GBE1: variants seen among roughly 807,000 people sequenced by gnomAD.
GBE1 encodes the protein 1,4-alpha-glucan-branching enzyme.
Under a neutral mutation model 88.8 loss-of-function variants are expected in GBE1, and 70 were observed. The ratio of observed to expected loss-of-function variants is 0.79; its 90% CI spans 0.65 to 0.96. The LOEUF (loss-of-function observed/expected upper bound fraction) is 0.96, where lower values mean the gene tolerates loss of function less well. Among genes scored for constraint, GBE1 ranks in the 40% least tolerant of loss-of-function variants. GBE1 has a pLI of 0.00. For synonymous variants in GBE1, 284 were observed against 300.1 expected (o/e 0.95, Z 0.56); for missense variants, 872 against 871.0 (o/e 1.00, Z -0.01).
chr3:81,741,867 A>T (rs991155881), intron 1 of GBE1, among the ~76,000 whole-genome samples: 9 of 147,658 alleles, frequency 6.1e-5, no homozygotes, highest in African/African-American at 2.2e-4. Context: ...TTTTATATAT[A>T]ATATATAATA....
At chr3:81,573,787 G>GTGTA (rs1322758332) in intron 12 of GBE1, among the ~76,000 whole-genome samples, 1 of 151,814 alleles carries the variant, frequency 6.6e-6, no homozygotes, top group African/African-American at 2.4e-5. Flanking sequence ...GTGTGTGTGT[G>GTGTA]TGTGTGTGTG....
chr3:81,535,231 T>C lies in GBE1; in HGVS notation c.1898A>G (p.Tyr633Cys), dbSNP rs1348094767. ...FIFNFHPSKS[Y>C]TDYRVGTALP... ...TGCTGTTCCAACTCGGTAGTCAGTG[T>C]AGCTCTTGCTTGGATGGAAGTTGAA... is the stretch of plus-strand genomic sequence containing the variant. Residue 633 changes from tyrosine (Y) to cysteine (C), a missense_variant, in exon 14 of 16, where the codon TAC becomes TGC. By Grantham distance (194) the Tyr-to-Cys change is radical. Coordinates refer to ENST00000429644, the MANE Select transcript of GBE1 (RefSeq NM_000158.4). 9 of 1,611,652 alleles carry C rather than the reference T, an allele frequency of 5.6e-6. No individual in the cohort carries two copies. Among genetic ancestry groups the C allele is most frequent in the South Asian group, 1.1e-5 (1 of 90,902 alleles).
chr3:81,581,300 C>G (rs1224246639), intron 10 of GBE1, 25 bp from the exon 11 acceptor site: 1 of 1,255,248 alleles, frequency 8.0e-7, no homozygotes, highest in East Asian at 2.4e-5. Context: ...GAAAAATAAG[C>G]TTCTGAGTAA....
At chr3:81,604,876 C>T (rs1391081242) in intron 7 of GBE1, among the ~76,000 whole-genome samples, 3 of 152,112 alleles carry the variant, frequency 2.0e-5, no homozygotes, top group Admixed American at 6.5e-5. Context: ...AGAGACCTTT[C>T]ATAACATGTT....
chr3:81,536,559 T>G (rs1559637550), intron 13 of GBE1, among the ~76,000 whole-genome samples: 1 of 151,998 alleles, frequency 6.6e-6, no homozygotes, highest in Non-Finnish European at 1.5e-5. Context: ...ACAGCATAAT[T>G]ATTTACATAA....
In GBE1 at chr3:81,742,225, T is replaced by C. The variant is rs532214147; in HGVS notation, c.143+19150A>G. ...ATGGAAAGGAAGATAACCTGTTTCATTCACTTTTAAAATAGCACTTTAAAA... is the reference window on the plus strand; with the variant it reads ...ATGGAAAGGAAGATAACCTGTTTCACTCACTTTTAAAATAGCACTTTAAAA... On this transcript the variant is annotated intron_variant, in intron 1 of 15. Coordinates refer to ENST00000429644, the MANE Select transcript of GBE1 (RefSeq NM_000158.4). Among the ~76,000 whole-genome samples the C allele has an allele frequency of 3.3e-5, 5 of 152,202 alleles. No individual in the cohort carries two copies. In the East Asian group the frequency reaches 9.6e-4, roughly 29 times the overall value.
chr3:81,711,364 G>C lies in GBE1; in HGVS notation c.144-5751C>G, dbSNP rs150070169. On this transcript the variant is annotated intron_variant, in intron 1 of 15. Transcript: ENST00000429644. Reference sequence around the variant, plus strand: ...GAGAAATTTTTAATAGCTCAAAAGGGGGAAAATAGGGTTAAAGGAGTGGAG... The same window carrying C: ...GAGAAATTTTTAATAGCTCAAAAGGCGGAAAATAGGGTTAAAGGAGTGGAG... 3.0e-4 allele frequency among the ~76,000 whole-genome samples: 45 copies of C among 152,248 alleles called. No individual in the cohort carries two copies. In the East Asian group the frequency reaches 7.9e-3, roughly 27 times the overall value.
chr3:81,580,739 A>C (rs1485765297), intron 11 of GBE1, among the ~76,000 whole-genome samples: 1 of 152,118 alleles, frequency 6.6e-6, no homozygotes, highest in Non-Finnish European at 1.5e-5. Context: ...AATTAGCAGG[A>C]GATTTCAGTG....
At chr3:81,728,411 C>G (rs553663171) in intron 1 of GBE1, among the ~76,000 whole-genome samples, 8 of 152,114 alleles carry the variant, frequency 5.3e-5, no homozygotes, top group Non-Finnish European at 1.2e-4. Context: ...ACTCTGACCA[C>G]AGATCTATCC....
intron 2 of GBE1, among the ~76,000 whole-genome samples, chr3:81,696,051 A>G (rs1331914131): frequency 6.6e-6 from 1 of 152,226 alleles, no homozygotes; most frequent in African/African-American, 2.4e-5. Context: ...CCCAAGATCT[A>G]TTCAAGCTTA....
intron 3 of GBE1, among the ~76,000 whole-genome samples, chr3:81,670,466 C>A (rs567201338): frequency 6.6e-6 from 1 of 152,192 alleles, no homozygotes; most frequent in Admixed American, 6.5e-5. Context: ...CACCCGACCT[C>A]TTTACAGATA....
At chr3:81,673,594 T>C (rs1036349207) in intron 2 of GBE1, among the ~76,000 whole-genome samples, 2 of 151,950 alleles carry the variant, frequency 1.3e-5, no homozygotes, top group African/African-American at 4.8e-5. Context: ...ATATCAGTTT[T>C]TGAAAATTGA....
chr3:81,551,631 C>T (rs1291061431), intron 12 of GBE1, among the ~76,000 whole-genome samples: 4 of 152,178 alleles, frequency 2.6e-5, no homozygotes, highest in African/African-American at 9.7e-5. Flanking sequence ...TTCAAGTTGT[C>T]CTGCTGCTTT....
chr3:81,575,527 T>A (rs1703636464), intron 12 of GBE1, among the ~76,000 whole-genome samples: 1 of 152,138 alleles, frequency 6.6e-6, no homozygotes, highest in Non-Finnish European at 1.5e-5. Context: ...CGTAAACATG[T>A]TTTTATAAAA....
At chr3:81,678,119 A>G (rs1705288395) in intron 2 of GBE1, among the ~76,000 whole-genome samples, 1 of 152,338 alleles carries the variant, frequency 6.6e-6, no homozygotes, top group African/African-American at 2.4e-5. Context: ...GCCGGCCTAC[A>G]TGGCATAGCC....
chr3:81,497,883 T>C (rs1333293211), intron 15 of GBE1, among the ~76,000 whole-genome samples: 1 of 152,228 alleles, frequency 6.6e-6, no homozygotes, highest in East Asian at 1.9e-4. Flanking sequence ...ACTATTTTTA[T>C]CAAACTTATT....
intron 1 of GBE1, among the ~76,000 whole-genome samples, chr3:81,726,585 C>CT (rs34642597): frequency 0.084 from 11,706 of 138,592 alleles, 787 homozygotes; most frequent in African/African-American, 0.18. Context: ...ATATTGCAGA[C>CT]TTTTTTTTTT....
At position 81,670,970 on chromosome 3, in the gene GBE1, G is replaced by A. The variant is rs1705180920; in HGVS notation, c.314-17C>T. 7.5e-7 allele frequency: 1 copy of A among 1,336,628 alleles called. No individual in the cohort carries two copies. Among genetic ancestry groups the A allele is most frequent in the African/African-American group, 1.5e-5 (1 of 66,400 alleles). 82.8% of individuals were successfully genotyped at this position (1,336,628 alleles called of 1,614,324 possible). ...TCCAACCATCTAAAAAAATGAAGAA[G>A]ATCAGTTAACAACAGCATGATAGGA... On this transcript the variant is annotated splice_polypyrimidine_tract_variant and intron_variant, in intron 2 of 15. Coordinates refer to ENST00000429644, the MANE Select transcript of GBE1 (RefSeq NM_000158.4).
At chr3:81,580,550 G>A (rs1002183783) in intron 11 of GBE1, among the ~76,000 whole-genome samples, 2 of 152,124 alleles carry the variant, frequency 1.3e-5, no homozygotes, top group African/African-American at 4.8e-5. Flanking sequence ...AGGAGGCTTG[G>A]AGAGTTGGGC....
Sources: gnomAD v4.1 joint callset for allele counts (sites outside exome capture counted in the v4.1 genomes callset) on GRCh38, gnomAD v4.1.1 for gene constraint, MANE v1.5 for transcripts, NCBI Gene and HGNC (gene_info 2026-07-23, HGNC 2026-07-21) for gene names.